Variants in CDS2 observed in about 807,000 individuals in gnomAD.
The protein encoded by CDS2 is phosphatidate cytidylyltransferase 2.
In CDS2, 47 loss-of-function variants were observed where a neutral mutation model predicts 59.0. That is an observed-to-expected ratio of 0.80 (90% CI 0.63 to 1.02). The LOEUF (loss-of-function observed/expected upper bound fraction) is 1.02. CDS2 is among the 50% of genes least tolerant of loss of function. The pLI is 0.00. For missense variants in CDS2, 356 were observed against 558.9 expected, an observed-to-expected ratio of 0.64 and a Z score of 3.66; for synonymous variants, 207 against 206.4, an observed-to-expected ratio of 1.00 and a Z score of -0.02.
At chr20:5,134,308 C>A (rs1490971607) in intron 1 of CDS2, among the ~76,000 whole-genome samples, 1 of 152,142 alleles carries the variant, frequency 6.6e-6, no homozygotes, top group African/African-American at 2.4e-5. Flanking sequence ...ATTCAGTATT[C>A]AACGCTTCTC....
intron 1 of CDS2, among the ~76,000 whole-genome samples, chr20:5,134,054 G>A (rs574772479): frequency 1.7e-3 from 256 of 152,296 alleles, no homozygotes; most frequent in African/African-American, 5.7e-3. Flanking sequence ...AGAAAAAAAT[G>A]TATGTGTTTT....
chr20:5,150,008 C>T (rs747775108), intron 1 of CDS2, among the ~76,000 whole-genome samples: 127 of 152,318 alleles, frequency 8.3e-4, no homozygotes, highest in Non-Finnish European at 1.7e-3. Context: ...AGCCACTGCT[C>T]CTGGCCCTCC....
At chr20:5,188,561 A>G (rs2091087982) in intron 10 of CDS2, among the ~76,000 whole-genome samples, 1 of 152,232 alleles carries the variant, frequency 6.6e-6, no homozygotes. Flanking sequence ...TTTAAAACCT[A>G]CATGTATATA....
chr20:5,168,294 A>T (rs539243105), intron 1 of CDS2, among the ~76,000 whole-genome samples: 9 of 150,490 alleles, frequency 6.0e-5, no homozygotes, highest in Middle Eastern at 3.4e-3. Flanking sequence ...GGGCACTTGT[A>T]ATCCTAGCTA....
At chr20:5,180,047 C>T (rs1409787923) in intron 5 of CDS2, among the ~76,000 whole-genome samples, 5 of 152,166 alleles carry the variant, frequency 3.3e-5, no homozygotes. Context: ...ATGCTGCAGA[C>T]CCCGAAAGCA....
intron 5 of CDS2, 101 bp downstream of exon 5, chr20:5,179,057 C>A: frequency 9.2e-7 from 1 of 1,085,610 alleles, no homozygotes; most frequent in Non-Finnish European, 1.4e-6. Context: ...AGTTTTGTGA[C>A]ATTAACTGTG....
chr20:5,159,330 C>A, intron 1 of CDS2, among the ~76,000 whole-genome samples: 1 of 112,128 alleles, frequency 8.9e-6, no homozygotes, highest in South Asian at 3.6e-4. Flanking sequence ...TCCCCCTCCC[C>A]CCACCCCACA....
intron 1 of CDS2, among the ~76,000 whole-genome samples, chr20:5,134,728 C>T (rs1344223871): frequency 6.6e-6 from 1 of 152,060 alleles, no homozygotes; most frequent in African/African-American, 2.4e-5. Flanking sequence ...ACCATGTTGG[C>T]CAGGCTGGTC....
intron 1 of CDS2, among the ~76,000 whole-genome samples, chr20:5,142,305 G>A (rs943193399): frequency 2.6e-5 from 4 of 152,082 alleles, no homozygotes; most frequent in Admixed American, 2.6e-4. Context: ...AAATTAGCCT[G>A]GCATGATGGT....
intron 4 of CDS2, among the ~76,000 whole-genome samples, chr20:5,178,399 C>G (rs6116678): frequency 6.6e-6 from 1 of 151,898 alleles, no homozygotes; most frequent in African/African-American, 2.4e-5. Flanking sequence ...GGCAGGAGAA[C>G]AGCAGACAGG....
At chr20:5,136,173 T>C (rs2090648219) in intron 1 of CDS2, among the ~76,000 whole-genome samples, 1 of 152,146 alleles carries the variant, frequency 6.6e-6, no homozygotes, top group African/African-American at 2.4e-5. Flanking sequence ...AGTCCATGCC[T>C]GGCTAGTCCT....
intron 1 of CDS2, among the ~76,000 whole-genome samples, chr20:5,161,609 A>T (rs1328387855): frequency 6.6e-6 from 1 of 152,158 alleles, no homozygotes; most frequent in South Asian, 2.1e-4. Context: ...TGCCTTTTTC[A>T]TGTTGCTGCA....
chr20:5,134,121 C>T (rs917990334), intron 1 of CDS2, among the ~76,000 whole-genome samples: 5 of 152,126 alleles, frequency 3.3e-5, no homozygotes, highest in African/African-American at 1.2e-4. Context: ...GTGATTTAGA[C>T]ATTTGTGAGC....
chr20:5,169,659 A>AT (rs1213688446), intron 1 of CDS2, among the ~76,000 whole-genome samples: 1 of 152,220 alleles, frequency 6.6e-6, no homozygotes, highest in African/African-American at 2.4e-5. Flanking sequence ...GATAATGCCC[A>AT]TTACAAAGCA....
rs959329549 is a variant in CDS2, at chr20:5,196,290, C to G, written c.*6056C>G. ...TCCTTCTGGGTTTGTGTTTGCCTTG[C>G]CTGGTGCTTCCTCCCTCATTGTGTT... On this transcript the variant is annotated 3_prime_UTR_variant, in exon 13 of 13. Transcript: ENST00000460006. 1 of 152,170 alleles carries G rather than the reference C, an allele frequency of 6.6e-6. No individual in the cohort carries two copies. The highest frequency in any genetic ancestry group is 1.5e-5 in the Non-Finnish European group (1 of 68,064). The allele number at this position is 152,170 out of a possible 1,614,324, so 9.4% of individuals were successfully genotyped here. A position where few individuals can be genotyped will look rare whatever the true frequency, so the allele number is the denominator to read the frequency against.
In CDS2 at chr20:5,184,182, A is replaced by C. The variant is rs114887585; in HGVS notation, c.672-676A>C. On this transcript the variant is annotated intron_variant, in intron 7 of 12. Transcript: ENST00000460006. The surrounding 1 kb of genome is among the most constrained non-coding windows in gnomAD (Gnocchi z 4.3). ...AAAACAAAAACAGAAACAAACAAAC[A>C]AACCTGTAATCAAAGAACTTTTTAA... 5.7e-3 allele frequency among the ~76,000 whole-genome samples: 862 copies of C among 151,274 alleles called. 13 individuals are homozygous for C. The highest frequency in any genetic ancestry group is 0.02 in the African/African-American group (811 of 40,992).
intron 1 of CDS2, among the ~76,000 whole-genome samples, chr20:5,139,841 C>T (rs995279415): frequency 2.7e-5 from 4 of 150,768 alleles, no homozygotes; most frequent in Non-Finnish European, 4.4e-5. Context: ...CTCTATTGCC[C>T]AGGCTGGAGT....
At chr20:5,175,103 C>G in intron 2 of CDS2, 80 bp from the exon 3 acceptor site, 1 of 1,005,868 alleles carries the variant, frequency 9.9e-7, no homozygotes, top group Non-Finnish European at 1.6e-6. Context: ...TCAGGAAGAT[C>G]CATATCCCTT....
At chr20:5,128,952 A>G (rs2090579510) in intron 1 of CDS2, among the ~76,000 whole-genome samples, 1 of 152,222 alleles carries the variant, frequency 6.6e-6, no homozygotes, top group Admixed American at 6.5e-5. Context: ...TATGAGATGC[A>G]ACATAAAGAT....
Sources: allele counts gnomAD v4.1 joint callset (sites outside exome capture counted in the v4.1 genomes callset), GRCh38; gene constraint gnomAD v4.1.1; non-coding constraint Gnocchi (gnomAD v3.1); transcripts MANE v1.5; gene names NCBI Gene and HGNC (gene_info 2026-07-23, HGNC 2026-07-21).